RBFOX1: variants seen among roughly 807,000 people sequenced by gnomAD.
RBFOX1 encodes the protein RNA binding fox-1 homolog 1, also known as RNA binding protein fox-1 homolog 1.
In RBFOX1, 8 loss-of-function variants were observed where a neutral mutation model predicts 57.7. The observed-to-expected ratio is 0.14, with a 90% CI of 0.08 to 0.25. RBFOX1 has a LOEUF of 0.25. RBFOX1 is among the 10% of genes least tolerant of loss of function. The pLI is 1.00. For missense variants in RBFOX1, 611 were observed against 548.5 expected, an observed-to-expected ratio of 1.11 and a Z score of -1.14; for synonymous variants, 326 against 222.4, an observed-to-expected ratio of 1.47 and a Z score of -4.15.
chr16:6,383,771 GA>G (rs577920472), intron 2 of RBFOX1, among the ~76,000 whole-genome samples: 4,611 of 143,380 alleles, frequency 0.032, 248 homozygotes, highest in African/African-American at 0.11. Flanking sequence ...ATTTATCTTG[GA>G]AAAAAAAAAA....
At chr16:6,444,971 A>T (rs1318271586) in intron 2 of RBFOX1, among the ~76,000 whole-genome samples, 2 of 152,030 alleles carry the variant, frequency 1.3e-5, no homozygotes, top group East Asian at 1.9e-4. Context: ...AGTAAAACTG[A>T]TGGAGGGGAG....
At chr16:7,683,971 T>C (rs1444103444) in intron 14 of RBFOX1, among the ~76,000 whole-genome samples, 1 of 152,146 alleles carries the variant, frequency 6.6e-6, no homozygotes, top group East Asian at 1.9e-4. Context: ...GTTCTTTGTT[T>C]GGGTTTTATG....
intron 2 of RBFOX1, among the ~76,000 whole-genome samples, chr16:6,501,947 A>G (rs539599003): frequency 1.4e-4 from 22 of 152,306 alleles, no homozygotes; most frequent in Non-Finnish European, 3.1e-4. Flanking sequence ...AGTGGTGAAC[A>G]AAATAGATAA....
intron 3 of RBFOX1, among the ~76,000 whole-genome samples, chr16:5,637,641 G>T (rs2048726529): frequency 6.6e-6 from 1 of 152,160 alleles, no homozygotes; most frequent in Non-Finnish European, 1.5e-5. Context: ...TCAAGGCCCT[G>T]ACACCATTTG....
intron 3 of RBFOX1, among the ~76,000 whole-genome samples, chr16:6,924,444 C>G (rs941036236): frequency 2.6e-5 from 4 of 151,976 alleles, no homozygotes; most frequent in Admixed American, 2.0e-4. Flanking sequence ...TCACTCATCA[C>G]TAAGGGGATG....
At chr16:5,336,677 T>C (rs1381671738) in intron 1 of RBFOX1, among the ~76,000 whole-genome samples, 2 of 152,164 alleles carry the variant, frequency 1.3e-5, no homozygotes, top group African/African-American at 2.4e-5. Flanking sequence ...TTCATGAAGC[T>C]GAAAGAAGAG....
chr16:6,220,848 T>C (rs577768131), intron 1 of RBFOX1, among the ~76,000 whole-genome samples: 2 of 152,280 alleles, frequency 1.3e-5, no homozygotes, highest in East Asian at 3.9e-4. Context: ...ATGATCATAA[T>C]GAACATTTAA....
At chr16:5,628,893 G>A (rs1041581389) in intron 3 of RBFOX1, among the ~76,000 whole-genome samples, 7 of 152,188 alleles carry the variant, frequency 4.6e-5, no homozygotes, top group African/African-American at 1.7e-4. Context: ...GTCCTAAGAC[G>A]TTAGTCCTAA....
intron 4 of RBFOX1, among the ~76,000 whole-genome samples, chr16:7,164,081 C>G (rs923314145): frequency 3.3e-5 from 5 of 152,160 alleles, no homozygotes; most frequent in South Asian, 2.1e-4. Flanking sequence ...GCAGTGTACA[C>G]TGTACCCAGT....
chr16:5,599,182 C>G (rs1450102201), exon 3 of RBFOX1: 2 of 705,066 alleles, frequency 2.8e-6, no homozygotes, highest in Non-Finnish European at 5.2e-6. Flanking sequence ...GGTGTGAGAG[C>G]TGTATTCTGT....
intron 3 of RBFOX1, among the ~76,000 whole-genome samples, chr16:6,847,157 A>T (rs2093801261): frequency 6.6e-6 from 1 of 152,162 alleles, no homozygotes; most frequent in African/African-American, 2.4e-5. Flanking sequence ...CGGCCATTAA[A>T]CATAGCAACT....
Position 5,773,070 on chromosome 16 carries a change from T to C in RBFOX1, c.319-94233T>C, listed in dbSNP as rs116742840. 2.8e-3 allele frequency among the ~76,000 whole-genome samples: 426 copies of C among 152,150 alleles called. 3 individuals are homozygous for C. The highest frequency in any genetic ancestry group is 9.7e-3 in the African/African-American group (404 of 41,500). On this transcript the variant is annotated intron_variant, in intron 3 of 19. Transcript: ENST00000641259. The stretch of plus-strand genomic sequence containing the variant: ...GAGGGGCAGGACACCGTTGGGACTT[T>C]TGCTTACAATGAGAGATGTGAAGGG...
intron 4 of RBFOX1, among the ~76,000 whole-genome samples, chr16:5,950,415 T>A (rs2059495894): frequency 6.6e-6 from 1 of 152,220 alleles, no homozygotes; most frequent in Admixed American, 6.5e-5. Flanking sequence ...AATTGTCACA[T>A]TGGCAGTTCC....
intron 3 of RBFOX1, among the ~76,000 whole-genome samples, chr16:6,707,436 G>A (rs2062941650): frequency 6.7e-6 from 1 of 150,100 alleles, no homozygotes; most frequent in Non-Finnish European, 1.5e-5. Flanking sequence ...TAAACTACAT[G>A]TGGGAAAATG....
intron 2 of RBFOX1, among the ~76,000 whole-genome samples, chr16:5,534,170 G>A (rs1448742998): frequency 3.9e-5 from 6 of 152,126 alleles, no homozygotes; most frequent in African/African-American, 1.4e-4. Flanking sequence ...TAGGTGCAAG[G>A]GTGGCTGGGA....
chr16:6,167,596 T>C (rs899081443), intron 1 of RBFOX1, among the ~76,000 whole-genome samples: 2 of 152,220 alleles, frequency 1.3e-5, no homozygotes, highest in African/African-American at 4.8e-5. Flanking sequence ...GATAGTGAGA[T>C]AGGAATTTCA....
intron 4 of RBFOX1, among the ~76,000 whole-genome samples, chr16:7,513,593 C>T (rs981943482): frequency 1.3e-5 from 2 of 152,176 alleles, no homozygotes; most frequent in African/African-American, 4.8e-5. Context: ...CCTCCACCCA[C>T]TAGATGGCAG....
chr16:6,678,860 G>A (rs1381181858), intron 3 of RBFOX1, among the ~76,000 whole-genome samples: 1 of 152,012 alleles, frequency 6.6e-6, no homozygotes, highest in African/African-American at 2.4e-5. Flanking sequence ...GTAGATGGGT[G>A]GTTTATCGCA....
intron 1 of RBFOX1, among the ~76,000 whole-genome samples, chr16:5,357,801 C>A (rs765773808): frequency 1.3e-5 from 2 of 152,332 alleles, no homozygotes; most frequent in South Asian, 2.1e-4. Context: ...CTGTTTCTTA[C>A]AACCAATCTG....
Sources: gnomAD v4.1 joint callset for allele counts (sites outside exome capture counted in the v4.1 genomes callset) on GRCh38, gnomAD v4.1.1 for gene constraint, MANE v1.5 for transcripts, NCBI Gene and HGNC (gene_info 2026-07-23, HGNC 2026-07-21) for gene names.